CLDN10: variants seen among roughly 807,000 people sequenced by gnomAD.
CLDN10 encodes the protein claudin 10.
CLDN10 carries 15 observed loss-of-function variants against 22.9 expected under a neutral mutation model. That is an observed-to-expected ratio of 0.65 (90% CI 0.44 to 1.01). The LOEUF is 1.01. CLDN10 is among the 50% of genes least tolerant of loss of function. The pLI is 0.00. For missense variants in CLDN10, 247 were observed against 287.8 expected, an observed-to-expected ratio of 0.86 and a Z score of 1.03; for synonymous variants, 114 against 111.4, an observed-to-expected ratio of 1.02 and a Z score of -0.15.
chr13:95,477,234 CTTA>C (rs1269139278), intron 1 of CLDN10, among the ~76,000 whole-genome samples: 3 of 152,130 alleles, frequency 2.0e-5, no homozygotes, highest in Non-Finnish European at 1.5e-5. Context: ...GGCCAGAGCC[CTTA>C]TTATGGTTTC....
intron 1 of CLDN10, among the ~76,000 whole-genome samples, chr13:95,510,781 A>G (rs1446503118): frequency 6.6e-6 from 1 of 152,204 alleles, no homozygotes; most frequent in Non-Finnish European, 1.5e-5. Context: ...TTGATAATTC[A>G]TAAATTATAT....
At chr13:95,516,643 A>G (rs773286366) in intron 1 of CLDN10, among the ~76,000 whole-genome samples, 34 of 152,192 alleles carry the variant, frequency 2.2e-4, no homozygotes, top group Non-Finnish European at 4.0e-4. Flanking sequence ...AGGCAAACAA[A>G]GATTATACAG....
chr13:95,436,186 T>C (rs2042269534), intron 1 of CLDN10, among the ~76,000 whole-genome samples: 2 of 152,126 alleles, frequency 1.3e-5, no homozygotes, highest in South Asian at 4.1e-4. Context: ...TTTCTTATTT[T>C]TTATTTATTG....
At chr13:95,451,005 T>C (rs1433928639) in intron 1 of CLDN10, among the ~76,000 whole-genome samples, 4 of 152,156 alleles carry the variant, frequency 2.6e-5, no homozygotes, top group Non-Finnish European at 4.4e-5. Context: ...GCTTTACCCA[T>C]GCCCGTTTTG....
At chr13:95,511,552 G>A (rs1164609944) in intron 1 of CLDN10, among the ~76,000 whole-genome samples, 1 of 151,710 alleles carries the variant, frequency 6.6e-6, no homozygotes, top group Admixed American at 6.6e-5. Context: ...AGGAGAGGAA[G>A]CTTCTCCTTT....
chr13:95,466,424 A>AGGCT (rs2042581890), intron 1 of CLDN10, among the ~76,000 whole-genome samples: 1 of 152,162 alleles, frequency 6.6e-6, no homozygotes, highest in South Asian at 2.1e-4. Flanking sequence ...TGTTAAAGTG[A>AGGCT]GGCTGCCTGG....
intron 1 of CLDN10, among the ~76,000 whole-genome samples, chr13:95,522,333 T>G (rs1459055182): frequency 6.6e-6 from 1 of 152,056 alleles, no homozygotes; most frequent in Non-Finnish European, 1.5e-5. Context: ...CTATTATCAT[T>G]CAGTATAAAA....
chr13:95,452,709 C>T (rs2042443144), intron 1 of CLDN10, among the ~76,000 whole-genome samples: 1 of 152,170 alleles, frequency 6.6e-6, no homozygotes, highest in Non-Finnish European at 1.5e-5. Context: ...ATAACCTTCT[C>T]GAGATAGCCT....
chr13:95,563,699 AG>A (rs1418172123), intron 3 of CLDN10, among the ~76,000 whole-genome samples: 37 of 152,212 alleles, frequency 2.4e-4, no homozygotes, highest in African/African-American at 8.9e-4. Context: ...AGATACCATC[AG>A]ATTCTAATTA....
At chr13:95,505,308 C>G (rs532886979) in intron 1 of CLDN10, among the ~76,000 whole-genome samples, 1 of 152,140 alleles carries the variant, frequency 6.6e-6, no homozygotes. Context: ...TTTAGCAGAA[C>G]CCACTCATTT....
intron 4 of CLDN10, among the ~76,000 whole-genome samples, 167 bp downstream of exon 4, chr13:95,577,505 T>C (rs888631390): frequency 2.6e-5 from 4 of 152,254 alleles, no homozygotes; most frequent in African/African-American, 7.2e-5. Flanking sequence ...ACCATTACTA[T>C]ATTCCAAAGA....
At chr13:95,465,807 C>T (rs1213757263) in intron 1 of CLDN10, among the ~76,000 whole-genome samples, 6 of 152,202 alleles carry the variant, frequency 3.9e-5, no homozygotes, top group Non-Finnish European at 7.3e-5. Context: ...TCTTTCTTCG[C>T]TACTGTCATC....
At chr13:95,537,810 A>G in intron 1 of CLDN10, among the ~76,000 whole-genome samples, 1 of 152,220 alleles carries the variant, frequency 6.6e-6, no homozygotes, top group East Asian at 1.9e-4. Context: ...ACCCACGAGT[A>G]ACAAACACTC....
intron 1 of CLDN10, among the ~76,000 whole-genome samples, chr13:95,461,991 G>A (rs1028975634): frequency 6.6e-6 from 1 of 152,198 alleles, no homozygotes; most frequent in Non-Finnish European, 1.5e-5. Context: ...AGCTCCTCAG[G>A]AGGCTGAGGT....
intron 1 of CLDN10, among the ~76,000 whole-genome samples, chr13:95,496,235 G>A (rs1437450242): frequency 2.0e-5 from 3 of 152,160 alleles, no homozygotes; most frequent in South Asian, 2.1e-4. Flanking sequence ...CACGTCTGAC[G>A]CATATGCTTC....
chr13:95,440,951 T>C (rs2042318749), intron 1 of CLDN10, among the ~76,000 whole-genome samples: 2 of 152,220 alleles, frequency 1.3e-5, no homozygotes, highest in South Asian at 4.1e-4. Flanking sequence ...TGCAGGCTGT[T>C]CTTTCATGGA....
At chr13:95,497,115 C>T (rs138318707) in intron 1 of CLDN10, 2 of 143,400 alleles carry the variant, frequency 1.4e-5, no homozygotes, top group Non-Finnish European at 3.1e-5. Flanking sequence ...CGGGGCCACA[C>T]AAAGGAAGCA....
chr13:95,577,389 A>C (rs1372641199), intron 4 of CLDN10, 51 bp downstream of exon 4: 1 of 1,130,468 alleles, frequency 8.8e-7, no homozygotes, highest in Non-Finnish European at 1.3e-6. Context: ...TGCTATCATA[A>C]ATCATTACAT....
chr13:95,498,456 G>A (rs924230160), intron 1 of CLDN10, among the ~76,000 whole-genome samples: 3 of 152,122 alleles, frequency 2.0e-5, no homozygotes, highest in African/African-American at 4.8e-5. Context: ...GTGCAGTGGT[G>A]CCATCACGGC....
Sources: allele counts gnomAD v4.1 joint callset (sites outside exome capture counted in the v4.1 genomes callset), GRCh38; gene constraint gnomAD v4.1.1; transcripts MANE v1.5; gene names NCBI Gene and HGNC (gene_info 2026-07-23, HGNC 2026-07-21).